The following MMD variants were observed in gnomAD, a reference collection of about 807,000 sequenced individuals.
MMD encodes the protein monocyte to macrophage differentiation factor.
Under a neutral mutation model 33.6 loss-of-function variants are expected in MMD, and 22 were observed. The observed-to-expected ratio is 0.66, with a 90% CI of 0.47 to 0.94. MMD has a LOEUF of 0.94. Ranked by LOEUF, MMD falls within the 40% of genes least tolerant of loss-of-function variation. The pLI is 0.00. For synonymous variants in MMD, 97 were observed against 103.2 expected, an observed-to-expected ratio of 0.94 and a Z score of 0.36; for missense variants, 242 against 309.8, an observed-to-expected ratio of 0.78 and a Z score of 1.64.
chr17:55,411,530 G>T, intron 2 of MMD, 113 bp from the exon 3 acceptor site: 1 of 1,241,028 alleles, frequency 8.1e-7, no homozygotes, highest in Non-Finnish European at 1.1e-6. Context: ...TAATCTTAGA[G>T]CAAGTATTTG....
intron 3 of MMD, among the ~76,000 whole-genome samples, chr17:55,409,767 G>T (rs2143145387): frequency 6.6e-6 from 1 of 152,296 alleles, no homozygotes; most frequent in Middle Eastern, 3.4e-3. Context: ...ACTGAAGTAG[G>T]TACCTACAAC....
chr17:55,400,846 C>T (rs1907299769), intron 6 of MMD, among the ~76,000 whole-genome samples: 1 of 151,948 alleles, frequency 6.6e-6, no homozygotes, highest in Non-Finnish European at 1.5e-5. Context: ...TATATACATG[C>T]AACTGCCTAT....
chr17:55,405,263 G>A (rs1373877211), intron 4 of MMD, among the ~76,000 whole-genome samples: 3 of 151,884 alleles, frequency 2.0e-5, no homozygotes, highest in Non-Finnish European at 2.9e-5. Context: ...CCAGCTACTT[G>A]GAAGGCTGAC....
At position 55,394,339 on chromosome 17, in the gene MMD, A is replaced by T. The variant is rs764634132; in HGVS notation, c.712T>A (p.Leu238Ile). The T allele has an allele frequency of 3.6e-6, 5 of 1,372,964 alleles. No homozygotes were observed. The highest frequency in any genetic ancestry group is 2.8e-6 in the Non-Finnish European group (3 of 1,056,232). The allele number at this position is 1,372,964 out of a possible 1,614,324, so 85.0% of individuals were successfully genotyped here. Residue 238 changes from leucine (L) to isoleucine (I), a missense_variant, in exon 7 of 7, where the codon TTA becomes ATA. Leu to Ile is a conservative substitution (Grantham distance 5). Coordinates refer to ENST00000262065, the MANE Select transcript of MMD (RefSeq NM_012329.3). ...YRSPTDFMRH[L>I] is the part of the protein sequence containing the mutation. ...GGAGAATTAGTACAGATTGGTCATA[A>T]ATGCCGCATAAAGTCCGTAGGACTT...
intron 3 of MMD, among the ~76,000 whole-genome samples, chr17:55,410,978 C>T (rs531578001): frequency 7.9e-5 from 12 of 152,296 alleles, no homozygotes; most frequent in Admixed American, 2.6e-4. Context: ...TGGAAAATAG[C>T]TCTCAGGTTT....
Position 55,421,722 on chromosome 17 carries a change from A to C in MMD, c.-27T>G. On this transcript the variant is annotated 5_prime_UTR_variant, in exon 1 of 7. Transcript: ENST00000262065. The stretch of plus-strand genomic sequence containing the variant: ...GATCCTCTGCTCCTCCTCGGGGGCC[A>C]GGAGCTCCGTCTCGTCAGCACCGGC... 1 of 1,584,030 alleles carries C rather than the reference A, an allele frequency of 6.3e-7. No individual in the cohort carries two copies. Among genetic ancestry groups the C allele is most frequent in the Non-Finnish European group, 8.6e-7 (1 of 1,166,220 alleles).
At chr17:55,409,257 G>A (rs1450310087) in intron 3 of MMD, among the ~76,000 whole-genome samples, 1 of 152,184 alleles carries the variant, frequency 6.6e-6, no homozygotes, top group Non-Finnish European at 1.5e-5. Context: ...ATACAGTGAT[G>A]GCCTCCAGTT....
At chr17:55,419,606 A>G (rs568157333) in intron 1 of MMD, among the ~76,000 whole-genome samples, 1 of 61,136 alleles carries the variant, frequency 1.6e-5, no homozygotes, top group South Asian at 4.5e-4. Context: ...GCAGAATAGT[A>G]CTACTCTCAG....
intron 1 of MMD, among the ~76,000 whole-genome samples, chr17:55,418,597 C>A (rs889500185): frequency 1.3e-5 from 2 of 152,160 alleles, no homozygotes; most frequent in African/African-American, 4.8e-5. Context: ...ATAAGTGGAC[C>A]CCTCTTACTA....
At position 55,411,373 on chromosome 17, in the gene MMD, C is replaced by A; in HGVS notation, c.153G>T (p.Arg51=). ...TCTTTTCCCAGCAGTCATCAGACAGCCGATGGAGGAGGGCACTGCCCACGA... is the reference window on the plus strand; with the variant it reads ...TCTTTTCCCAGCAGTCATCAGACAGACGATGGAGGAGGGCACTGCCCACGA... ...PAIVGSALLH[R]LSDDCWEKIT... The change falls in exon 3 of 7, where the codon CGG becomes CGT. Residue 51 remains arginine, a synonymous_variant. Transcript: ENST00000262065. The A allele has an allele frequency of 6.2e-7, 1 of 1,613,998 alleles. No individual in the cohort carries two copies. Among genetic ancestry groups the A allele is most frequent in the Non-Finnish European group, 8.5e-7 (1 of 1,179,926 alleles).
intron 6 of MMD, among the ~76,000 whole-genome samples, chr17:55,399,853 T>C (rs756288708): frequency 6.6e-6 from 1 of 152,234 alleles, no homozygotes; most frequent in Non-Finnish European, 1.5e-5. Flanking sequence ...GTACCACTTA[T>C]GGAAATGTCA....
At chr17:55,406,000 A>C (rs1035893742) in intron 4 of MMD, among the ~76,000 whole-genome samples, 1 of 152,250 alleles carries the variant, frequency 6.6e-6, no homozygotes, top group African/African-American at 2.4e-5. Flanking sequence ...ACAGGATACT[A>C]GGTATTTTAA....
intron 6 of MMD, among the ~76,000 whole-genome samples, chr17:55,398,643 T>G (rs967462165): frequency 3.3e-5 from 5 of 152,314 alleles, no homozygotes; most frequent in African/African-American, 1.2e-4. Flanking sequence ...CCTTTAAAAA[T>G]TGTTGAGTTT....
intron 2 of MMD, among the ~76,000 whole-genome samples, chr17:55,412,897 T>C (rs1278282240): frequency 6.6e-6 from 1 of 152,240 alleles, no homozygotes; most frequent in Admixed American, 6.5e-5. Flanking sequence ...CCTTACTACT[T>C]TTCATGTTAA....
chr17:55,396,856 C>T (rs1438412819), intron 6 of MMD, among the ~76,000 whole-genome samples: 1 of 151,668 alleles, frequency 6.6e-6, no homozygotes, highest in Non-Finnish European at 1.5e-5. Context: ...ACCTCGTGAT[C>T]CACCCACCTC....
intron 2 of MMD, among the ~76,000 whole-genome samples, chr17:55,412,683 T>C (rs1175047480): frequency 6.6e-6 from 1 of 152,212 alleles, no homozygotes; most frequent in Non-Finnish European, 1.5e-5. Context: ...GTTTTTCAGA[T>C]GCTGAAGTTT....
chr17:55,421,537 C>A (rs979810319), intron 1 of MMD, 133 bp downstream of exon 1: 19 of 1,300,096 alleles, frequency 1.5e-5, no homozygotes, highest in Middle Eastern at 2.1e-4. Context: ...CCCCAGGGAA[C>A]TGATCCCTGG....
chr17:55,396,440 C>G (rs1907101832), intron 6 of MMD, among the ~76,000 whole-genome samples: 1 of 152,110 alleles, frequency 6.6e-6, no homozygotes, highest in African/African-American at 2.4e-5. Flanking sequence ...TGTATTGAAG[C>G]CTCCCGTCTT....
Position 55,404,836 on chromosome 17 carries a change from C to A in MMD, c.345-968G>T, listed in dbSNP as rs140501851. ...CAGAACTTTGGGAGGCCAAGGCAGGCAGATCACTTCAGGTCAGGAGTTCAA... is the reference window on the plus strand; with the variant it reads ...CAGAACTTTGGGAGGCCAAGGCAGGAAGATCACTTCAGGTCAGGAGTTCAA... On this transcript the variant is annotated intron_variant, in intron 4 of 6. Transcript: ENST00000262065. 7 of 793,012 alleles carry A rather than the reference C, an allele frequency of 8.8e-6. No individual in the cohort carries two copies. In the East Asian group the frequency reaches 8.9e-4, roughly 101 times the overall value. 49.1% of individuals were successfully genotyped at this position (793,012 alleles called of 1,614,324 possible). A position where few individuals can be genotyped will look rare whatever the true frequency, so the allele number is the denominator to read the frequency against.
Sources: gnomAD v4.1 joint callset for allele counts (sites outside exome capture counted in the v4.1 genomes callset) on GRCh38, gnomAD v4.1.1 for gene constraint, MANE v1.5 for transcripts, NCBI Gene and HGNC (gene_info 2026-07-23, HGNC 2026-07-21) for gene names.